Variants in RNF14 observed in about 807,000 individuals in gnomAD.
RNF14 encodes the protein E3 ubiquitin-protein ligase RNF14.
Under a neutral mutation model 52.6 loss-of-function variants are expected in RNF14, and 26 were observed. That is an observed-to-expected ratio of 0.49 (90% CI 0.36 to 0.69). The LOEUF is 0.69. Ranked by LOEUF, RNF14 falls within the 30% of genes least tolerant of loss-of-function variation. RNF14 has a pLI of 0.00. For missense variants in RNF14, 404 were observed against 560.4 expected (o/e 0.72, Z 2.82); for synonymous variants, 194 against 202.0 (o/e 0.96, Z 0.34).
chr5:141,964,780 A>ATTTTTT (rs67577436), upstream of RNF14, among the ~76,000 whole-genome samples: 1 of 137,678 alleles, frequency 7.3e-6, no homozygotes, highest in African/African-American at 2.7e-5. Context: ...AGCCCGGCTA[A>ATTTTTT]TTTTTTTTTT....
rs545405638 is a variant in RNF14 at position 141,987,992 on chromosome 5, T to G, written c.*202T>G. On this transcript the variant is annotated 3_prime_UTR_variant, in exon 9 of 9. Transcript: ENST00000394520. ...TTTTTAAATGTAAGTTGAGAAAAAT[T>G]TATAAGCCAAAGGTTCAGAAAATTA... 13 of 545,658 alleles carry G rather than the reference T, an allele frequency of 2.4e-5. No homozygotes were observed. The South Asian group carries it at 3.3e-4, about 14-fold the overall frequency. 33.8% of individuals were successfully genotyped at this position (545,658 alleles called of 1,614,324 possible). A position where few individuals can be genotyped will look rare whatever the true frequency, so the allele number is the denominator to read the frequency against.
upstream of RNF14, among the ~76,000 whole-genome samples, chr5:141,965,664 C>A (rs1280165262): frequency 6.6e-6 from 1 of 152,160 alleles, no homozygotes; most frequent in African/African-American, 2.4e-5. Flanking sequence ...GTGATACTGG[C>A]CAAACCTTAG....
chr5:141,960,548 T>A (rs963607030), intron 1 of RNF14, among the ~76,000 whole-genome samples: 1 of 152,120 alleles, frequency 6.6e-6, no homozygotes, highest in Non-Finnish European at 1.5e-5. Context: ...GGTCCTCAGA[T>A]GATGCAGTGG....
upstream of RNF14, chr5:141,957,451 C>T (rs563608960): frequency 1.5e-5 from 24 of 1,612,212 alleles, no homozygotes; most frequent in East Asian, 2.2e-5. The surrounding 1 kb of genome is among the most constrained non-coding windows in gnomAD (Gnocchi z 4.3). Context: ...TTTGGGAAAC[C>T]GTGGCTGGTG....
chr5:141,956,898 G>T (rs148884293), upstream of RNF14: 182 of 1,614,048 alleles, frequency 1.1e-4, no homozygotes, highest in Non-Finnish European at 1.5e-4. Context: ...CATCCACCTC[G>T]TAGGCAGGGT....
exon 1 of RNF14, chr5:141,958,338 G>GT: frequency 6.3e-6 from 1 of 158,694 alleles, no homozygotes; most frequent in South Asian, 1.8e-4. Flanking sequence ...GGAGGATGAG[G>GT]CCGGGGCTCC....
the RNF14 span, chr5:141,952,989 C>T: frequency 1.3e-5 from 2 of 152,176 alleles, no homozygotes; most frequent in African/African-American, 2.4e-5. Context: ...TTGGGAGACT[C>T]GGGGTCTTAT....
chr5:141,978,721 A>G lies in RNF14; in HGVS notation c.725A>G (p.Tyr242Cys). ...CMYFLECRHV[Y>C]CKACLKDYFE... is the part of the protein sequence containing the mutation. ...TACTTCTTGGAGTGCAGGCATGTGT[A>G]CTGCAAAGCCTGTCTGAAGGACTAC... Residue 242 changes from tyrosine (Y) to cysteine (C), a missense_variant, in exon 5 of 9, where the codon TAC becomes TGC. Coordinates refer to ENST00000394520, the MANE Select transcript of RNF14 (RefSeq NM_004290.5). 4 of 1,613,976 alleles carry G rather than the reference A, an allele frequency of 2.5e-6. No individual in the cohort carries two copies. Among genetic ancestry groups the G allele is most frequent in the Non-Finnish European group, 3.4e-6 (4 of 1,179,848 alleles).
intron 3 of RNF14, among the ~76,000 whole-genome samples, chr5:141,974,354 G>T (rs1213141300): frequency 2.6e-5 from 4 of 152,168 alleles, no homozygotes; most frequent in Non-Finnish European, 5.9e-5. Context: ...CATTGTGTTG[G>T]CACAAATTTT....
At chr5:141,957,661 G>A, upstream of RNF14, 1 of 1,614,166 alleles carries the variant, frequency 6.2e-7, no homozygotes, top group African/African-American at 1.3e-5. This position sits in a 1 kb window ranked among gnomAD's most constrained non-coding sequence, Gnocchi z 4.3. Flanking sequence ...CTGGAAGGCA[G>A]CCCCAGCTTG....
At chr5:141,965,796 T>A (rs187544), upstream of RNF14, among the ~76,000 whole-genome samples, 2 of 151,864 alleles carry the variant, frequency 1.3e-5, no homozygotes, top group African/African-American at 2.4e-5. Flanking sequence ...CAACACACAC[T>A]GGGGCCTACC....
At chr5:141,952,743 A>G in the RNF14 span, 1 of 152,260 alleles carries the variant, frequency 6.6e-6, no homozygotes, top group Non-Finnish European at 1.5e-5. Context: ...AGAAATACCC[A>G]CACGCCTTCT....
the RNF14 span, chr5:141,951,350 G>T: frequency 1.5e-6 from 1 of 648,258 alleles, no homozygotes. Flanking sequence ...CTCCCAGGGT[G>T]GGAGGATGGA....
At chr5:141,966,365 A>G (rs954701080), upstream of RNF14, among the ~76,000 whole-genome samples, 4 of 152,208 alleles carry the variant, frequency 2.6e-5, no homozygotes, top group African/African-American at 7.2e-5. Flanking sequence ...ACATCTTTTT[A>G]TATTAAAAAT....
At chr5:141,986,146 T>C (rs1420295959) in intron 8 of RNF14, among the ~76,000 whole-genome samples, 1 of 152,220 alleles carries the variant, frequency 6.6e-6, no homozygotes, top group African/African-American at 2.4e-5. Context: ...TCCATTTTGT[T>C]ATTAGGAAGT....
At chr5:141,968,118 C>CTT (rs55650781), upstream of RNF14, among the ~76,000 whole-genome samples, 1 of 118,962 alleles carries the variant, frequency 8.4e-6, no homozygotes, top group Non-Finnish European at 1.8e-5. Context: ...TTGTGTTTGA[C>CTT]TTTTTTTTTT....
At chr5:141,973,402 T>G (rs960174578) in intron 2 of RNF14, among the ~76,000 whole-genome samples, 181 bp from the exon 3 acceptor site, 4 of 152,100 alleles carry the variant, frequency 2.6e-5, no homozygotes, top group African/African-American at 9.7e-5. Context: ...CACGCCTGGC[T>G]AATTTTTGTA....
At chr5:141,956,964 A>G, upstream of RNF14, 3 of 1,614,094 alleles carry the variant, frequency 1.9e-6, no homozygotes, top group Non-Finnish European at 1.7e-6. Flanking sequence ...TGGCATCAAT[A>G]CTGAAGGTGT....
intron 3 of RNF14, among the ~76,000 whole-genome samples, chr5:141,974,595 T>C (rs1261760389): frequency 6.6e-6 from 1 of 152,224 alleles, no homozygotes; most frequent in Non-Finnish European, 1.5e-5. Context: ...TCATTATACA[T>C]TTCATGGTGC....
Sources: gnomAD v4.1 joint callset for allele counts (sites outside exome capture counted in the v4.1 genomes callset) on GRCh38, gnomAD v4.1.1 for gene constraint, Gnocchi (gnomAD v3.1) non-coding constraint, MANE v1.5 for transcripts, NCBI Gene and HGNC (gene_info 2026-07-23, HGNC 2026-07-21) for gene names.